The following ARHGEF12 variants were observed in gnomAD, a reference collection of about 807,000 sequenced individuals.
The protein encoded by ARHGEF12 is Rho guanine nucleotide exchange factor 12.
ARHGEF12 carries 66 observed loss-of-function variants against 211.2 expected under a neutral mutation model. The observed-to-expected ratio is 0.31, with a 90% CI of 0.26 to 0.38. The LOEUF (loss-of-function observed/expected upper bound fraction) is 0.38, where lower values mean the gene tolerates loss of function less well. ARHGEF12 is among the 10% of genes least tolerant of loss of function. The pLI is 1.00. For synonymous variants in ARHGEF12, 592 were observed against 638.4 expected (o/e 0.93, Z 1.09); for missense variants, 1,429 against 1,869.5 (o/e 0.76, Z 4.34).
intron 1 of ARHGEF12, among the ~76,000 whole-genome samples, chr11:120,340,871 C>A (rs549793288): frequency 2.0e-5 from 3 of 152,250 alleles, no homozygotes; most frequent in South Asian, 2.1e-4. Context: ...CATGCAGAAT[C>A]TAAAGTAACT....
intron 1 of ARHGEF12, among the ~76,000 whole-genome samples, chr11:120,373,916 C>T (rs1274949712): frequency 1.3e-5 from 2 of 152,238 alleles, no homozygotes; most frequent in Non-Finnish European, 2.9e-5. Flanking sequence ...CAAGTGATTC[C>T]CCTGCCTCAG....
intron 1 of ARHGEF12, among the ~76,000 whole-genome samples, chr11:120,359,650 A>C (rs1202336320): frequency 2.0e-5 from 3 of 152,202 alleles, no homozygotes; most frequent in Admixed American, 6.5e-5. Flanking sequence ...AGCTAGTGCT[A>C]TTATATTTGT....
chr11:120,463,525 C>CAAAAAAAAA (rs11315620), intron 27 of ARHGEF12: 2 of 81,674 alleles, frequency 2.4e-5, no homozygotes, highest in Admixed American at 1.4e-4. Context: ...AACTCAGTCT[C>CAAAAAAAAA]AAAAAAAAAA....
intron 9 of ARHGEF12, 84 bp downstream of exon 9, chr11:120,429,601 A>G: frequency 3.8e-6 from 6 of 1,565,604 alleles, no homozygotes; most frequent in Non-Finnish European, 5.3e-6. Context: ...AGTCACAATC[A>G]AGCAGCATTG....
At chr11:120,446,797 T>G (rs949306718) in intron 17 of ARHGEF12, 151 bp from the exon 18 acceptor site, 5 of 935,558 alleles carry the variant, frequency 5.3e-6, no homozygotes, top group Non-Finnish European at 7.8e-6. Context: ...AATTTTTTCC[T>G]CTGGTATCCT....
Position 120,469,284 on chromosome 11 carries a change from T to G in ARHGEF12, c.2855-4T>G, listed in dbSNP as rs762182527. ...TACATTTTGGATTTCTTTCCCATAT[T>G]TAGAATGGCCAACAGAAAGGGAGAA... On this transcript the variant is annotated splice_polypyrimidine_tract_variant and splice_region_variant and intron_variant, in intron 29 of 40. Coordinates refer to ENST00000397843, the MANE Select transcript of ARHGEF12 (RefSeq NM_015313.3). 4 of 1,607,618 alleles carry G rather than the reference T, an allele frequency of 2.5e-6. No individual in the cohort carries two copies. Among genetic ancestry groups the G allele is most frequent in the Non-Finnish European group, 3.4e-6 (4 of 1,177,778 alleles).
chr11:120,458,462 A>C, intron 25 of ARHGEF12: 1 of 460,448 alleles, frequency 2.2e-6, no homozygotes, highest in Non-Finnish European at 3.8e-6. Context: ...AAGATATTTA[A>C]GATTCATAGC....
intron 1 of ARHGEF12, among the ~76,000 whole-genome samples, chr11:120,383,234 GTGT>G (rs1943927991): frequency 6.6e-6 from 1 of 152,068 alleles, no homozygotes. Flanking sequence ...GAGTGTAGTG[GTGT>G]TTGGTTTCTT....
At chr11:120,433,781 C>T (rs1256516377) in intron 11 of ARHGEF12, among the ~76,000 whole-genome samples, 2 of 152,102 alleles carry the variant, frequency 1.3e-5, no homozygotes, top group East Asian at 3.9e-4. Context: ...TAGTGAAACC[C>T]CGTCTCTACT....
chr11:120,433,863 C>T (rs1233310896), intron 11 of ARHGEF12, among the ~76,000 whole-genome samples: 3 of 152,098 alleles, frequency 2.0e-5, no homozygotes, highest in Non-Finnish European at 2.9e-5. Flanking sequence ...GAGTCTGAGG[C>T]AGGAGAACTG....
chr11:120,463,027 C>G (rs1223470483), intron 27 of ARHGEF12: 2 of 152,244 alleles, frequency 1.3e-5, no homozygotes, highest in Non-Finnish European at 2.9e-5. Flanking sequence ...CTACAGTGTA[C>G]TGTACTGCTA....
At chr11:120,364,496 C>T (rs1252144177) in intron 1 of ARHGEF12, among the ~76,000 whole-genome samples, 1 of 152,136 alleles carries the variant, frequency 6.6e-6, no homozygotes, top group Non-Finnish European at 1.5e-5. Flanking sequence ...ACAGTTTTAG[C>T]TGTCATTTTA....
At position 120,449,198 on chromosome 11, in the gene ARHGEF12, T is replaced by C; in HGVS notation, c.1827T>C (p.Arg609=). 2 of 1,614,098 alleles carry C rather than the reference T, an allele frequency of 1.2e-6. No individual in the cohort carries two copies. Among genetic ancestry groups the C allele is most frequent in the Non-Finnish European group, 1.7e-6 (2 of 1,179,976 alleles). ...TGGGACCCCCACGGAGACCAAGCCG[T>C]CATGACAACAGTGCAAGTATGTTGA... The part of the protein sequence containing the change: ...SILGPPRRPS[R]HDNSAIGRAM... The change falls in exon 21 of 41, where the codon CGT becomes CGC. Residue 609 remains arginine, a synonymous_variant. Coordinates refer to ENST00000397843, the MANE Select transcript of ARHGEF12 (RefSeq NM_015313.3).
chr11:120,449,323 T>C, intron 21 of ARHGEF12, 109 bp downstream of exon 21: 1 of 855,620 alleles, frequency 1.2e-6, no homozygotes, highest in Non-Finnish European at 1.8e-6. Context: ...TAGGATGATT[T>C]TACTGAATTC....
Position 120,448,136 on chromosome 11 carries a change from T to C in ARHGEF12, c.1623-98T>C, listed in dbSNP as rs1370113388. The stretch of plus-strand genomic sequence containing the variant: ...TTAGTGTTTGTTTGATTTATTTCAA[T>C]AATTCCAACCTTGGGGTTTTGGAAA... On this transcript the variant is annotated intron_variant, in intron 19 of 40. Transcript: ENST00000397843. 3.2e-6 allele frequency: 3 copies of C among 940,234 alleles called. No homozygotes were observed. In the South Asian group the frequency reaches 4.9e-5, roughly 15 times the overall value. 58.2% of individuals were successfully genotyped at this position (940,234 alleles called of 1,614,324 possible). A position where few individuals can be genotyped will look rare whatever the true frequency, so the allele number is the denominator to read the frequency against.
Position 120,459,238 on chromosome 11 carries a change from G to A in ARHGEF12, c.2445G>A (p.Gln815=). ...AGGTTCTTGATCAAGTGTTCTATCA[G>A]CGAGTATCCAGAGAAGGAATTCTGT... The part of the protein sequence containing the change: ...TLKVLDQVFY[Q]RVSREGILSP... The change falls in exon 26 of 41, where the codon CAG becomes CAA. Residue 815 remains glutamine (Q), a synonymous_variant. Transcript: ENST00000397843. 6.2e-7 allele frequency: 1 copy of A among 1,613,698 alleles called. No individual in the cohort carries two copies. Among genetic ancestry groups the A allele is most frequent in the Non-Finnish European group, 8.5e-7 (1 of 1,179,808 alleles).
At chr11:120,479,494 C>T (rs190107792) in intron 37 of ARHGEF12, among the ~76,000 whole-genome samples, 1 of 152,242 alleles carries the variant, frequency 6.6e-6, no homozygotes, top group East Asian at 1.9e-4. Context: ...ATGTATGTAT[C>T]TCATAAAATT....
intron 1 of ARHGEF12, among the ~76,000 whole-genome samples, chr11:120,387,855 G>A (rs1041577588): frequency 1.4e-4 from 22 of 152,140 alleles, no homozygotes; most frequent in African/African-American, 4.8e-4. Context: ...AAGATATTTC[G>A]TAAGGTATAA....
chr11:120,449,461 G>A (rs568640392), intron 21 of ARHGEF12: 13 of 382,504 alleles, frequency 3.4e-5, no homozygotes, highest in African/African-American at 2.5e-4. Flanking sequence ...AGCAGTTTGG[G>A]AGGCTGAGGC....
Sources: gnomAD v4.1 joint callset for allele counts (sites outside exome capture counted in the v4.1 genomes callset) on GRCh38, gnomAD v4.1.1 for gene constraint, MANE v1.5 for transcripts, NCBI Gene and HGNC (gene_info 2026-07-23, HGNC 2026-07-21) for gene names.